Variants in CCSER1 observed in about 807,000 individuals in gnomAD.
CCSER1 encodes coiled-coil serine rich protein 1, also known as serine-rich coiled-coil domain-containing protein 1.
Under a neutral mutation model 82.0 loss-of-function variants are expected in CCSER1, and 41 were observed. That is an observed-to-expected ratio of 0.50 (90% confidence interval 0.39 to 0.65). The LOEUF (loss-of-function observed/expected upper bound fraction) is 0.65. CCSER1 is among the 30% of genes least tolerant of loss of function. The pLI is 0.00. For missense variants in CCSER1, 1,119 were observed against 1,064.2 expected (o/e 1.05, Z -0.72); for synonymous variants, 414 against 383.9 (o/e 1.08, Z -0.92).
intron 3 of CCSER1, among the ~76,000 whole-genome samples, chr4:90,365,444 C>G (rs921226888): frequency 6.6e-6 from 1 of 151,630 alleles, no homozygotes; most frequent in Non-Finnish European, 1.5e-5. Flanking sequence ...TCTACTTGAA[C>G]TAATCAAAAT....
intron 10 of CCSER1, among the ~76,000 whole-genome samples, chr4:91,538,401 G>A (rs542129423): frequency 6.6e-6 from 1 of 151,552 alleles, no homozygotes; most frequent in Non-Finnish European, 1.5e-5. Context: ...AGTTTGTTCT[G>A]AAACAGTTAA....
chr4:90,869,480 T>C (rs1295787175), intron 8 of CCSER1, among the ~76,000 whole-genome samples: 2 of 152,096 alleles, frequency 1.3e-5, no homozygotes, highest in African/African-American at 4.8e-5. Flanking sequence ...ATTTATGTTC[T>C]TGTCACCTCT....
intron 10 of CCSER1, among the ~76,000 whole-genome samples, chr4:91,168,441 C>A (rs1191697699): frequency 2.0e-5 from 3 of 149,108 alleles, no homozygotes; most frequent in African/African-American, 7.5e-5. Context: ...GCCCGGCCGC[C>A]CTGTCTGGGA....
chr4:91,064,832 G>C (rs1210409450), intron 9 of CCSER1, among the ~76,000 whole-genome samples: 1 of 151,020 alleles, frequency 6.6e-6, no homozygotes, highest in Non-Finnish European at 1.5e-5. Flanking sequence ...GGGACAATAC[G>C]TAGGGGACAG....
intron 10 of CCSER1, among the ~76,000 whole-genome samples, chr4:91,152,254 T>C (rs2148955739): frequency 6.6e-6 from 1 of 152,270 alleles, no homozygotes; most frequent in African/African-American, 2.4e-5. Context: ...CTTTTGATCT[T>C]TGTTCTTTTA....
At chr4:91,251,681 C>T (rs770543165) in intron 10 of CCSER1, among the ~76,000 whole-genome samples, 21 of 152,080 alleles carry the variant, frequency 1.4e-4, no homozygotes, top group African/African-American at 1.9e-4. Flanking sequence ...AGCATATTTA[C>T]GACATAAAAG....
chr4:90,263,005 G>C (rs911913258), intron 1 of CCSER1, among the ~76,000 whole-genome samples: 1 of 152,122 alleles, frequency 6.6e-6, no homozygotes, highest in Non-Finnish European at 1.5e-5. Flanking sequence ...GTCTGCAGTT[G>C]TGGACAAGGC....
chr4:91,538,698 C>CATATATTTTATATATAT lies in CCSER1; in HGVS notation c.2218-59868_2218-59867insTTTATATATATATATAT. Among the ~76,000 whole-genome samples the CATATATTTTATATATAT allele has an allele frequency of 1.2e-4, 16 of 138,324 alleles. 1 individual carries two copies. The South Asian group carries it at 3.7e-3, about 32-fold the overall frequency. 90.7% of individuals were successfully genotyped at this position (138,324 alleles called of 152,430 possible). On this transcript the variant is annotated intron_variant, in intron 10 of 10. Coordinates refer to ENST00000509176, the MANE Select transcript of CCSER1 (RefSeq NM_001145065.2). ...ATATATGATATATATTATATATACA[C>CATATATTTTATATATAT]ATATATATATATAATATCTCAGTGC...
chr4:90,670,837 A>C (rs1210234234), intron 6 of CCSER1, among the ~76,000 whole-genome samples: 1 of 151,978 alleles, frequency 6.6e-6, no homozygotes, highest in Non-Finnish European at 1.5e-5. Flanking sequence ...ATCCAGGAAG[A>C]GGTCAAAATC....
intron 10 of CCSER1, among the ~76,000 whole-genome samples, chr4:91,127,850 T>A (rs1270701840): frequency 6.6e-6 from 1 of 151,978 alleles, no homozygotes; most frequent in Non-Finnish European, 1.5e-5. Flanking sequence ...TATAGATGAG[T>A]TGGAATATGG....
intron 4 of CCSER1, among the ~76,000 whole-genome samples, chr4:90,449,432 G>A (rs1761125102): frequency 6.6e-6 from 1 of 152,190 alleles, no homozygotes; most frequent in Non-Finnish European, 1.5e-5. Context: ...TTCAAGGTGG[G>A]GCTTCACTGG....
At chr4:90,231,384 C>CA (rs1475657754) in intron 1 of CCSER1, among the ~76,000 whole-genome samples, 7 of 151,736 alleles carry the variant, frequency 4.6e-5, no homozygotes, top group African/African-American at 1.7e-4. Context: ...ATGATTATCT[C>CA]AATAGATGCG....
At chr4:91,427,651 G>A (rs1311165995) in intron 10 of CCSER1, among the ~76,000 whole-genome samples, 1 of 152,068 alleles carries the variant, frequency 6.6e-6, no homozygotes, top group African/African-American at 2.4e-5. Context: ...CTATTTTACA[G>A]AATGGTTGTG....
At chr4:90,342,219 G>C (rs1266818083) in intron 3 of CCSER1, among the ~76,000 whole-genome samples, 1 of 152,190 alleles carries the variant, frequency 6.6e-6, no homozygotes, top group Non-Finnish European at 1.5e-5. Context: ...GAAAGATAAT[G>C]TTGAACTGAG....
intron 6 of CCSER1, among the ~76,000 whole-genome samples, chr4:90,707,164 CAATGTTGCTTCTAA>C (rs913320039): frequency 6.6e-6 from 1 of 152,056 alleles, no homozygotes; most frequent in African/African-American, 2.4e-5. Flanking sequence ...TCATTATTTC[CAATGTTGCTTCTAA>C]AATAGTCCAT....
Position 90,177,414 on chromosome 4 carries a change from A to G in CCSER1, c.-42+49583A>G, listed in dbSNP as rs540117768. Among the ~76,000 whole-genome samples the G allele has an allele frequency of 1.1e-4, 16 of 152,214 alleles. No individual in the cohort carries two copies. The South Asian group carries it at 2.3e-3, about 22-fold the overall frequency. ...GGTTTTACCATAGGATAAATGGACT[A>G]TGCTTTCTGCTTCATCTTCAGGTCT... On this transcript the variant is annotated intron_variant, in intron 1 of 10. Coordinates refer to ENST00000509176, the MANE Select transcript of CCSER1 (RefSeq NM_001145065.2).
intron 10 of CCSER1, among the ~76,000 whole-genome samples, chr4:91,553,968 A>G (rs1220002071): frequency 6.6e-6 from 1 of 150,618 alleles, no homozygotes; most frequent in African/African-American, 2.4e-5. Context: ...CTTAATGTGT[A>G]TAGCTTATTG....
At chr4:91,304,409 A>G (rs1034166498) in intron 10 of CCSER1, among the ~76,000 whole-genome samples, 5 of 152,068 alleles carry the variant, frequency 3.3e-5, no homozygotes, top group African/African-American at 1.2e-4. Context: ...TTGATACATT[A>G]GTTAACTTTG....
intron 1 of CCSER1, among the ~76,000 whole-genome samples, chr4:90,181,423 G>T (rs1183996158): frequency 1.3e-5 from 2 of 152,170 alleles, no homozygotes. Flanking sequence ...GCGAATGGAA[G>T]TAAGCCAGAC....
Sources: allele counts gnomAD v4.1 joint callset (sites outside exome capture counted in the v4.1 genomes callset), GRCh38; gene constraint gnomAD v4.1.1; transcripts MANE v1.5; gene names NCBI Gene and HGNC (gene_info 2026-07-23, HGNC 2026-07-21).